The following UBE2O variants were observed in gnomAD, a reference collection of about 807,000 sequenced individuals.
UBE2O encodes the protein ubiquitin conjugating enzyme E2 O.
A neutral mutation model predicts 125.8 loss-of-function variants in UBE2O; 15 were observed. The observed-to-expected ratio is 0.12, with a 90% CI of 0.08 to 0.18. The LOEUF (loss-of-function observed/expected upper bound fraction) is 0.18, where lower values mean the gene tolerates loss of function less well. UBE2O is among the 10% of genes least tolerant of loss of function. The pLI, the probability that UBE2O is intolerant of heterozygous loss-of-function variation, is 1.00. For synonymous variants in UBE2O, 708 were observed against 703.2 expected (o/e 1.01, Z -0.11); for missense variants, 1,280 against 1,723.6 (o/e 0.74, Z 4.56).
At chr17:76,435,498 C>G (rs958640278) in intron 1 of UBE2O, among the ~76,000 whole-genome samples, 1 of 151,622 alleles carries the variant, frequency 6.6e-6, no homozygotes, top group East Asian at 1.9e-4. Flanking sequence ...ACGAGGCAGA[C>G]AAGCTAATTC....
rs764459575 is a variant in UBE2O, at chr17:76,402,645, C to G, written c.643G>C (p.Asp215His). ...TTCAGGATGATCTGGTTCTTCAAGT[C>G]GTAGACCTTCCCCAGCCAGCAGTCA... The part of the protein sequence containing the change: ...AYDCWLGKVY[D>H]LKNQIILKLS... The change falls in exon 4 of 18, where the codon GAC (aspartate) becomes CAC (histidine). Residue 215 changes from aspartate (D) to histidine (H), a missense_variant. Physicochemically the swap from Asp to His is moderately conservative, Grantham distance 81. This residue lies in a region of UBE2O where 206 missense variants were observed against 315.7 expected (regional missense o/e 0.65). Transcript: ENST00000319380. The surrounding 1 kb of genome is among the most constrained non-coding windows in gnomAD (Gnocchi z 5.4). 1.2e-6 allele frequency: 2 copies of G among 1,614,108 alleles called. No homozygotes were observed.
chr17:76,446,754 G>A (rs184202535), intron 1 of UBE2O, among the ~76,000 whole-genome samples: 34 of 152,312 alleles, frequency 2.2e-4, no homozygotes, highest in Admixed American at 7.2e-4. Flanking sequence ...TGCCAGTTAC[G>A]TGGAGTGTCT....
chr17:76,439,824 C>T (rs2073051583), intron 1 of UBE2O, among the ~76,000 whole-genome samples: 1 of 152,218 alleles, frequency 6.6e-6, no homozygotes, highest in African/African-American at 2.4e-5. Flanking sequence ...ACCTCCATGA[C>T]AGCATCTCCT....
intron 5 of UBE2O, 85 bp downstream of exon 5, chr17:76,401,979 C>A: frequency 1.4e-6 from 2 of 1,433,144 alleles, no homozygotes; most frequent in South Asian, 1.3e-5. Flanking sequence ...CTCTGTTTAG[C>A]TGGGTCCAGG....
Position 76,400,176 on chromosome 17 carries a change from C to T in UBE2O, c.1126G>A (p.Ala376Thr), listed in dbSNP as rs770134258. ...TTGGCCATAGAGCCCTCCCCCTGGG[C>T]GCAGTTTTTTTCTGGACATTCCCAG... ...IAWECPEKNC[A>T]QGEGSMAKKV... The change falls in exon 8 of 18, where the codon GCC (alanine) becomes ACC (threonine). Residue 376 changes from alanine to threonine, a missense_variant. By Grantham distance (58) the Ala-to-Thr change is moderately conservative. Coordinates refer to ENST00000319380, the MANE Select transcript of UBE2O (RefSeq NM_022066.4). The surrounding 1 kb of genome is among the most constrained non-coding windows in gnomAD (Gnocchi z 4.3). 12 of 1,614,020 alleles carry T rather than the reference C, an allele frequency of 7.4e-6. No homozygotes were observed. The highest frequency in any genetic ancestry group is 1.7e-5 in the Admixed American group (1 of 60,000).
chr17:76,396,022 C>A lies in UBE2O; in HGVS notation c.2809+106G>T. 1 of 1,480,234 alleles carries A rather than the reference C, an allele frequency of 6.8e-7. No homozygotes were observed. The highest frequency in any genetic ancestry group is 9.2e-7 in the Non-Finnish European group (1 of 1,086,178). The allele number at this position is 1,480,234 out of a possible 1,614,324, so 91.7% of individuals were successfully genotyped here. A position where few individuals can be genotyped will look rare whatever the true frequency, so the allele number is the denominator to read the frequency against. On this transcript the variant is annotated intron_variant, in intron 14 of 17. Transcript: ENST00000319380. The surrounding 1 kb of genome is among the most constrained non-coding windows in gnomAD (Gnocchi z 6.7). ...GAAATGGTTTGCCCTGGGGCAGTAGCTGGGGTCTGGCGAGGGGACTAACCA... is the reference window on the plus strand; with the variant it reads ...GAAATGGTTTGCCCTGGGGCAGTAGATGGGGTCTGGCGAGGGGACTAACCA...
At chr17:76,436,844 T>C (rs1370395514) in intron 1 of UBE2O, among the ~76,000 whole-genome samples, 1 of 152,158 alleles carries the variant, frequency 6.6e-6, no homozygotes, top group African/African-American at 2.4e-5. Context: ...TATTTCAACA[T>C]TTAAAAGGCA....
intron 1 of UBE2O, among the ~76,000 whole-genome samples, chr17:76,427,292 C>G (rs1298774652): frequency 6.6e-6 from 1 of 152,192 alleles, no homozygotes; most frequent in Non-Finnish European, 1.5e-5. Context: ...TTTAACATTT[C>G]CACTGGGGTT....
At chr17:76,419,626 C>G (rs1182668209) in intron 1 of UBE2O, among the ~76,000 whole-genome samples, 1 of 152,148 alleles carries the variant, frequency 6.6e-6, no homozygotes, top group Non-Finnish European at 1.5e-5. Flanking sequence ...CTCAGGTGGT[C>G]CAGATCCCAG....
chr17:76,433,379 A>G (rs781726144), intron 1 of UBE2O, among the ~76,000 whole-genome samples: 12 of 148,742 alleles, frequency 8.1e-5, no homozygotes, highest in Non-Finnish European at 1.0e-4. Flanking sequence ...TGAAATGTCC[A>G]AAATAGGCAA....
chr17:76,398,726 T>A lies in UBE2O; in HGVS notation c.1783+111A>T, dbSNP rs146785369. The A allele has an allele frequency of 9.8e-4, 1,468 of 1,499,976 alleles. 13 individuals are homozygous for A. The African/African-American group carries it at 0.017, about 17-fold the overall frequency. The allele number at this position is 1,499,976 out of a possible 1,614,324, so 92.9% of individuals were successfully genotyped here. On this transcript the variant is annotated intron_variant, in intron 10 of 17. Coordinates refer to ENST00000319380, the MANE Select transcript of UBE2O (RefSeq NM_022066.4). The surrounding 1 kb of genome is among the most constrained non-coding windows in gnomAD (Gnocchi z 5.4). ...CCCCTTCATGAGGGCAGTCCCCTTCTGGACCTCATTTTAGCTCTGACCCCA... is the reference window on the plus strand; with the variant it reads ...CCCCTTCATGAGGGCAGTCCCCTTCAGGACCTCATTTTAGCTCTGACCCCA...
At chr17:76,411,603 C>T (rs116424469) in intron 1 of UBE2O, among the ~76,000 whole-genome samples, 1,770 of 152,334 alleles carry the variant, frequency 0.012, 44 homozygotes, top group African/African-American at 0.04. Context: ...CCAAACAGGA[C>T]GAGACATGGG....
intron 1 of UBE2O, among the ~76,000 whole-genome samples, chr17:76,411,009 T>C (rs1021612902): frequency 2.5e-4 from 24 of 97,420 alleles, no homozygotes; most frequent in African/African-American, 9.6e-4. Flanking sequence ...AGACGCTAAA[T>C]AAAGAAGCTA....
chr17:76,448,486 G>A (rs761310196), intron 1 of UBE2O, among the ~76,000 whole-genome samples: 3 of 152,170 alleles, frequency 2.0e-5, no homozygotes, highest in African/African-American at 7.2e-5. Context: ...GCCAATTCCC[G>A]AGGGACCTGT....
intron 13 of UBE2O, among the ~76,000 whole-genome samples, chr17:76,397,226 T>G (rs1430909193): frequency 6.6e-6 from 1 of 152,192 alleles, no homozygotes; most frequent in Non-Finnish European, 1.5e-5. Context: ...AGGGGACATG[T>G]AGAAGGGCCG....
In UBE2O at chr17:76,391,213, G is replaced by A. The variant is rs762453593; in HGVS notation, c.3609C>T (p.Gly1203=). The A allele has an allele frequency of 9.9e-6, 16 of 1,613,034 alleles. No individual in the cohort carries two copies. Among genetic ancestry groups the A allele is most frequent in the South Asian group, 5.5e-5 (5 of 91,032 alleles). ...GEASQGSDSE[G]GAQGLASASR... is the part of the protein sequence containing the mutation. ...TAGCTGAGGCCAGGCCCTGGGCACC[G>A]CCCTCTGAGTCTGAGCCCTGGGAGG... Residue 1203 remains glycine, a synonymous_variant, in exon 18 of 18, where the codon GGC becomes GGT. Transcript: ENST00000319380. The surrounding 1 kb of genome is among the most constrained non-coding windows in gnomAD (Gnocchi z 8.4).
intron 13 of UBE2O, 24 bp downstream of exon 13, chr17:76,397,775 A>G: frequency 3.1e-6 from 5 of 1,612,036 alleles, no homozygotes; most frequent in Non-Finnish European, 4.2e-6. Context: ...CAAGCTCAGC[A>G]GGGGGGTCTT....
chr17:76,442,959 G>A (rs1327946946), intron 1 of UBE2O, among the ~76,000 whole-genome samples: 1 of 152,200 alleles, frequency 6.6e-6, no homozygotes, highest in Non-Finnish European at 1.5e-5. Context: ...CTGATGACAA[G>A]TTAGAATGAG....
chr17:76,444,230 GCAAAA>G (rs375071440), intron 1 of UBE2O, among the ~76,000 whole-genome samples: 1 of 151,240 alleles, frequency 6.6e-6, no homozygotes, highest in African/African-American at 2.4e-5. Context: ...CACAAACAAA[GCAAAA>G]CAAAACAAAA....
Sources: gnomAD v4.1 joint callset for allele counts (sites outside exome capture counted in the v4.1 genomes callset) on GRCh38, gnomAD v4.1.1 for gene constraint, gnomAD v4.1.1 regional missense constraint, Gnocchi (gnomAD v3.1) non-coding constraint, MANE v1.5 for transcripts, NCBI Gene and HGNC (gene_info 2026-07-23, HGNC 2026-07-21) for gene names.